BBS9: variants seen among roughly 807,000 people sequenced by gnomAD.
The protein encoded by BBS9 is protein PTHB1.
A neutral mutation model predicts 117.7 loss-of-function variants in BBS9; 89 were observed. The ratio of observed to expected loss-of-function variants is 0.76; its 90% CI spans 0.64 to 0.90. The LOEUF is 0.90. BBS9 is among the 40% of genes least tolerant of loss of function. The pLI is 0.00. For missense variants in BBS9, 982 were observed against 1,042.2 expected, an observed-to-expected ratio of 0.94 and a Z score of 0.80; for synonymous variants, 379 against 370.9, an observed-to-expected ratio of 1.02 and a Z score of -0.25.
At position 33,227,257 on chromosome 7, in the gene BBS9, C is replaced by T. The variant is rs145697938; in HGVS notation, c.443-29979C>T. On this transcript the variant is annotated intron_variant, in intron 5 of 22. Coordinates refer to ENST00000242067, the MANE Select transcript of BBS9 (RefSeq NM_198428.3). ...CCGCCTTCCAGGTTCAAGTGATTCTCGTGCTTCAGTCTCCTGAGTAGCTGG... is the reference window on the plus strand; with the variant it reads ...CCGCCTTCCAGGTTCAAGTGATTCTTGTGCTTCAGTCTCCTGAGTAGCTGG... Among the ~76,000 whole-genome samples the T allele has an allele frequency of 1.5e-4, 23 of 151,576 alleles. No individual in the cohort carries two copies. In the East Asian group the frequency reaches 2.3e-3, roughly 15 times the overall value.
At chr7:33,130,680 G>A (rs1290772356) in intron 1 of BBS9, among the ~76,000 whole-genome samples, 1 of 151,642 alleles carries the variant, frequency 6.6e-6, no homozygotes, top group African/African-American at 2.4e-5. Context: ...TAACTTATTA[G>A]CATTTTATAA....
chr7:33,193,511 A>G (rs1376959080), intron 5 of BBS9, among the ~76,000 whole-genome samples: 7 of 132,244 alleles, frequency 5.3e-5, no homozygotes, highest in Admixed American at 8.4e-5. Flanking sequence ...AGCTTGGCCC[A>G]CTCTGTTTGG....
At chr7:33,583,228 T>A (rs939998406) in intron 21 of BBS9, among the ~76,000 whole-genome samples, 2 of 152,132 alleles carry the variant, frequency 1.3e-5, no homozygotes, top group African/African-American at 4.8e-5. Context: ...CCCTCTACCC[T>A]TTCTCCCTAT....
At chr7:33,590,459 G>GTTTTTTTGTTTTTTTGT (rs1554551689) in intron 21 of BBS9, among the ~76,000 whole-genome samples, 4 of 101,510 alleles carry the variant, frequency 3.9e-5, no homozygotes, top group African/African-American at 1.6e-4. Context: ...TTGTTTTTTT[G>GTTTTTTTGTTTTTTTGT]TTTTTTTTTT....
intron 5 of BBS9, among the ~76,000 whole-genome samples, chr7:33,219,033 C>T (rs942712065): frequency 8.5e-5 from 13 of 152,230 alleles, no homozygotes; most frequent in African/African-American, 2.2e-4. Context: ...GCTGGAGTTC[C>T]GGGTGGGTGT....
intron 21 of BBS9, among the ~76,000 whole-genome samples, chr7:33,576,777 G>T (rs1858968683): frequency 6.6e-6 from 1 of 152,146 alleles, no homozygotes; most frequent in Non-Finnish European, 1.5e-5. Flanking sequence ...TCTGATCTTT[G>T]ACAAACCTGA....
chr7:33,197,002 A>G (rs1218480931), intron 5 of BBS9, among the ~76,000 whole-genome samples: 1 of 152,080 alleles, frequency 6.6e-6, no homozygotes, highest in African/African-American at 2.4e-5. Flanking sequence ...GTGAGTTCTG[A>G]TTCCCGTTAT....
At chr7:33,163,496 C>T (rs565572864) in intron 4 of BBS9, among the ~76,000 whole-genome samples, 44 of 152,254 alleles carry the variant, frequency 2.9e-4, no homozygotes, top group African/African-American at 9.4e-4. Context: ...TAATTATTGC[C>T]TCAATTTCAG....
chr7:33,231,840 G>A, intron 5 of BBS9, among the ~76,000 whole-genome samples: 1 of 151,872 alleles, frequency 6.6e-6, no homozygotes, highest in East Asian at 1.9e-4. Context: ...TTGACATTTT[G>A]GTCTAGGTAA....
chr7:33,542,741 GTGTA>G (rs1194054007), intron 21 of BBS9, among the ~76,000 whole-genome samples: 8 of 145,386 alleles, frequency 5.5e-5, no homozygotes, highest in Admixed American at 2.0e-4. Context: ...GTATATGTGT[GTGTA>G]TATATATATA....
At chr7:33,141,623 T>G (rs1791477427) in intron 1 of BBS9, among the ~76,000 whole-genome samples, 1 of 152,108 alleles carries the variant, frequency 6.6e-6, no homozygotes, top group African/African-American at 2.4e-5. Flanking sequence ...ACCATTAAAT[T>G]GATGTTAGTA....
At chr7:33,250,959 AG>A (rs1796124443) in intron 5 of BBS9, among the ~76,000 whole-genome samples, 1 of 152,190 alleles carries the variant, frequency 6.6e-6, no homozygotes, top group Non-Finnish European at 1.5e-5. Flanking sequence ...GAGGTGGGAC[AG>A]GGGCTCTGTG....
intron 17 of BBS9, among the ~76,000 whole-genome samples, chr7:33,376,284 T>A (rs1188556651): frequency 6.6e-6 from 1 of 151,284 alleles, no homozygotes. Context: ...ATATGCAGTA[T>A]TTTTTTTTGT....
chr7:33,338,654 T>C (rs1029299875), intron 10 of BBS9, among the ~76,000 whole-genome samples: 2 of 152,202 alleles, frequency 1.3e-5, no homozygotes, highest in African/African-American at 2.4e-5. Context: ...GTGTAAGTTA[T>C]AAGAGGAATG....
chr7:33,491,004 T>C (rs188635562), intron 19 of BBS9, among the ~76,000 whole-genome samples: 61 of 152,254 alleles, frequency 4.0e-4, no homozygotes, highest in African/African-American at 1.4e-3. Flanking sequence ...GTAGATCTAA[T>C]AGCCCCACTG....
At position 33,350,174 on chromosome 7, in the gene BBS9, A is replaced by G. The variant is rs145566493; in HGVS notation, c.1432+1004A>G. On this transcript the variant is annotated intron_variant, in intron 13 of 22. Coordinates refer to ENST00000242067, the MANE Select transcript of BBS9 (RefSeq NM_198428.3). ...GTCTTTTTTCTTTTTTTAGTTTACT[A>G]TAGCTTTTCTGCTAAGGCTTCTATC... Among the ~76,000 whole-genome samples, 120 of 152,248 alleles carry G rather than the reference A, an allele frequency of 7.9e-4. No homozygotes were observed. The Middle Eastern group carries it at 0.01, about 13-fold the overall frequency.
At chr7:33,575,857 C>G (rs182941929) in intron 21 of BBS9, among the ~76,000 whole-genome samples, 1 of 146,570 alleles carries the variant, frequency 6.8e-6, no homozygotes, top group African/African-American at 2.8e-5. Flanking sequence ...ATTCAACAGC[C>G]CTTCATGCTA....
At chr7:33,242,549 G>A (rs1438315995) in intron 5 of BBS9, among the ~76,000 whole-genome samples, 1 of 150,066 alleles carries the variant, frequency 6.7e-6, no homozygotes, top group Non-Finnish European at 1.5e-5. Flanking sequence ...CTTTTTTTTT[G>A]CAGCATATTG....
At chr7:33,402,742 C>T (rs1490311113) in intron 19 of BBS9, among the ~76,000 whole-genome samples, 1 of 152,146 alleles carries the variant, frequency 6.6e-6, no homozygotes, top group Admixed American at 6.6e-5. Context: ...AGGCTTGTTA[C>T]AAAGGTATAT....
Sources: gnomAD v4.1 joint callset for allele counts (sites outside exome capture counted in the v4.1 genomes callset) on GRCh38, gnomAD v4.1.1 for gene constraint, MANE v1.5 for transcripts, NCBI Gene and HGNC (gene_info 2026-07-23, HGNC 2026-07-21) for gene names.